The following SLX4IP variants were observed in gnomAD, a reference collection of about 807,000 sequenced individuals.
The protein encoded by SLX4IP is protein SLX4IP.
In SLX4IP, 34 loss-of-function variants were observed where a neutral mutation model predicts 32.9. That is an observed-to-expected ratio of 1.03 (90% CI 0.79 to 1.38). The LOEUF is 1.38. Among genes scored for constraint, SLX4IP ranks in the 40% most tolerant of loss-of-function variants. The pLI, the probability that SLX4IP is intolerant of heterozygous loss-of-function variation, is 0.00. For synonymous variants in SLX4IP, 172 were observed against 171.7 expected (o/e 1.00, Z -0.01); for missense variants, 444 against 479.0 (o/e 0.93, Z 0.68).
intron 6 of SLX4IP, among the ~76,000 whole-genome samples, chr20:10,611,622 A>G (rs1390556139): frequency 6.6e-6 from 1 of 152,214 alleles, no homozygotes; most frequent in Non-Finnish European, 1.5e-5. Flanking sequence ...GGCCTGAGCC[A>G]CAGGCCAGTT....
chr20:10,589,940 T>A lies in SLX4IP; in HGVS notation c.239-8735T>A, dbSNP rs182188986. Among the ~76,000 whole-genome samples the A allele has an allele frequency of 1.4e-3, 215 of 151,994 alleles. 1 individual carries two copies. Among genetic ancestry groups the A allele is most frequent in the African/African-American group, 4.4e-3 (182 of 41,446 alleles). On this transcript the variant is annotated intron_variant, in intron 4 of 7. Coordinates refer to ENST00000334534, the MANE Select transcript of SLX4IP (RefSeq NM_001009608.3). ...ATGTTACTTTTAATTAGGAAAAAAA[T>A]TTTTTTTACTTTGAATTTTTTTTAA... is the stretch of plus-strand genomic sequence containing the variant.
intron 2 of SLX4IP, among the ~76,000 whole-genome samples, chr20:10,544,635 C>T (rs1283917028): frequency 6.6e-6 from 1 of 152,198 alleles, no homozygotes; most frequent in Non-Finnish European, 1.5e-5. Context: ...AATCTGTCCG[C>T]CTTGGCCTTC....
chr20:10,551,108 T>C (rs1169256590), intron 2 of SLX4IP, among the ~76,000 whole-genome samples: 1 of 152,196 alleles, frequency 6.6e-6, no homozygotes, highest in Non-Finnish European at 1.5e-5. Flanking sequence ...TTTATTCTTA[T>C]ATTTAATGTA....
chr20:10,526,777 C>T (rs2065943386), intron 2 of SLX4IP, among the ~76,000 whole-genome samples: 1 of 152,130 alleles, frequency 6.6e-6, no homozygotes, highest in South Asian at 2.1e-4. Flanking sequence ...ATGGTAAAAT[C>T]TTGTCTCTAC....
intron 2 of SLX4IP, among the ~76,000 whole-genome samples, chr20:10,517,210 A>G (rs144908113): frequency 5.3e-5 from 8 of 152,214 alleles, no homozygotes; most frequent in African/African-American, 1.9e-4. Context: ...ACTGTCATCA[A>G]ACCCTCACAG....
chr20:10,443,525 T>G (rs1270154073), intron 1 of SLX4IP, among the ~76,000 whole-genome samples: 6 of 152,066 alleles, frequency 3.9e-5, no homozygotes, highest in Admixed American at 3.9e-4. Context: ...CTCAACTCGC[T>G]TTAGGAGAGG....
intron 6 of SLX4IP, among the ~76,000 whole-genome samples, chr20:10,620,050 C>CTT (rs2067089806): frequency 6.6e-6 from 1 of 152,190 alleles, no homozygotes; most frequent in South Asian, 2.1e-4. Flanking sequence ...AGGCAAAGCA[C>CTT]ATCCCCTCGG....
At chr20:10,586,868 C>T (rs57267319) in intron 4 of SLX4IP, among the ~76,000 whole-genome samples, 1 of 150,824 alleles carries the variant, frequency 6.6e-6, no homozygotes, top group Non-Finnish European at 1.5e-5. Context: ...AAATATAAAC[C>T]CTGAATAGAT....
At chr20:10,560,603 AAAATG>A (rs1175849218) in intron 3 of SLX4IP, 92 bp from the exon 4 acceptor site, 13 of 972,988 alleles carry the variant, frequency 1.3e-5, no homozygotes, top group Admixed American at 3.8e-5. Flanking sequence ...ATTAAAAAGC[AAAATG>A]AAATGAAATG....
chr20:10,578,566 C>T (rs1477355076), intron 4 of SLX4IP, among the ~76,000 whole-genome samples: 5 of 152,160 alleles, frequency 3.3e-5, no homozygotes, highest in South Asian at 2.1e-4. Context: ...TTTGAGTGGA[C>T]ATATGTTTTC....
intron 2 of SLX4IP, among the ~76,000 whole-genome samples, chr20:10,512,018 A>T (rs2122431496): frequency 6.6e-6 from 1 of 152,312 alleles, no homozygotes; most frequent in South Asian, 2.1e-4. Flanking sequence ...AATGTCTCTG[A>T]GTTACTTGAG....
chr20:10,514,194 T>G (rs2065832404), intron 2 of SLX4IP, among the ~76,000 whole-genome samples: 1 of 151,856 alleles, frequency 6.6e-6, no homozygotes, highest in South Asian at 2.1e-4. Flanking sequence ...GAGGTGAGAG[T>G]GGGAAACCGG....
At chr20:10,516,542 C>T (rs860714) in intron 2 of SLX4IP, among the ~76,000 whole-genome samples, 87,063 of 151,850 alleles carry the variant, frequency 0.57, 25,560 homozygotes, top group South Asian at 0.72. Context: ...CCTTCTAAGA[C>T]GTATGCTTGT....
At chr20:10,511,317 C>T (rs2065806375) in intron 2 of SLX4IP, among the ~76,000 whole-genome samples, 1 of 152,196 alleles carries the variant, frequency 6.6e-6, no homozygotes, top group Non-Finnish European at 1.5e-5. Context: ...CAGTCTTAGT[C>T]AGATCCTCAC....
At chr20:10,578,642 A>G (rs191373316) in intron 4 of SLX4IP, among the ~76,000 whole-genome samples, 6 of 152,304 alleles carry the variant, frequency 3.9e-5, no homozygotes, top group African/African-American at 1.4e-4. Flanking sequence ...TGTTTAACAT[A>G]TTGACGAACT....
chr20:10,534,222 A>C (rs2066016775), intron 2 of SLX4IP, among the ~76,000 whole-genome samples: 1 of 152,194 alleles, frequency 6.6e-6, no homozygotes, highest in Admixed American at 6.5e-5. Flanking sequence ...ACTGGGACCC[A>C]GGAAGGAGTG....
chr20:10,463,233 G>T (rs375435975), intron 2 of SLX4IP, among the ~76,000 whole-genome samples: 2 of 152,202 alleles, frequency 1.3e-5, no homozygotes, highest in East Asian at 1.9e-4. Flanking sequence ...TGAATGAGCC[G>T]AGAAGCAGAT....
At chr20:10,515,270 C>T (rs904975227) in intron 2 of SLX4IP, among the ~76,000 whole-genome samples, 2 of 151,392 alleles carry the variant, frequency 1.3e-5, no homozygotes, top group African/African-American at 2.4e-5. Flanking sequence ...TTTTTAGTAG[C>T]GACGGGGTTT....
chr20:10,580,358 TA>T (rs2066570219), intron 4 of SLX4IP, among the ~76,000 whole-genome samples: 1 of 152,038 alleles, frequency 6.6e-6, no homozygotes, highest in Non-Finnish European at 1.5e-5. Context: ...TTTGCACAGA[TA>T]TGAATGCAGT....
Sources: gnomAD v4.1 joint callset for allele counts (sites outside exome capture counted in the v4.1 genomes callset) on GRCh38, gnomAD v4.1.1 for gene constraint, MANE v1.5 for transcripts, NCBI Gene and HGNC (gene_info 2026-07-23, HGNC 2026-07-21) for gene names.